The following UNC80 variants were observed in gnomAD, a reference collection of about 807,000 sequenced individuals.
The protein encoded by UNC80 is protein unc-80 homolog.
In UNC80, 164 loss-of-function variants were observed where a neutral mutation model predicts 384.6. That is an observed-to-expected ratio of 0.43 (90% CI 0.38 to 0.49). The LOEUF (loss-of-function observed/expected upper bound fraction) is 0.49. Ranked by LOEUF, UNC80 falls within the 20% of genes least tolerant of loss-of-function variation. UNC80 has a pLI of 0.00. For missense variants in UNC80, 3,330 were observed against 4,143.0 expected (o/e 0.80, Z 5.39); for synonymous variants, 1,486 against 1,527.8 (o/e 0.97, Z 0.64).
intron 22 of UNC80, among the ~76,000 whole-genome samples, chr2:209,859,171 T>C (rs2083169451): frequency 1.3e-5 from 2 of 152,078 alleles, no homozygotes; most frequent in Non-Finnish European, 2.9e-5. Flanking sequence ...ACTCATCCTC[T>C]AAGTTTCCTC....
chr2:209,910,649 C>CTTTTTT (rs540625562), intron 29 of UNC80, among the ~76,000 whole-genome samples: 5 of 104,352 alleles, frequency 4.8e-5, no homozygotes, highest in East Asian at 2.7e-4. Flanking sequence ...AAATGCTCAT[C>CTTTTTT]TTTTTTTTTT....
Position 209,945,429 on chromosome 2 carries a change from A to G in UNC80, c.7189+240A>G, listed in dbSNP as rs187832505. ...TGAAAACTATATTAAAATGATGCTC[A>G]GTAGACCACTGCTGTAGCACTGCAG... On this transcript the variant is annotated intron_variant, in intron 46 of 64. Coordinates refer to ENST00000673920, the MANE Select transcript of UNC80 (RefSeq NM_001371986.1). Among the ~76,000 whole-genome samples the G allele has an allele frequency of 7.1e-3, 1,075 of 152,300 alleles. 14 individuals carry two copies. The highest frequency in any genetic ancestry group is 0.024 in the African/African-American group (1,016 of 41,566).
chr2:209,803,488 A>T (rs2078688437), intron 7 of UNC80, among the ~76,000 whole-genome samples: 1 of 152,220 alleles, frequency 6.6e-6, no homozygotes, highest in Admixed American at 6.5e-5. Context: ...TTGGATATCT[A>T]TGTGTACAAA....
At chr2:209,924,482 C>G (rs1384413751) in intron 35 of UNC80, among the ~76,000 whole-genome samples, 1 of 152,094 alleles carries the variant, frequency 6.6e-6, no homozygotes. Flanking sequence ...GGCACATCTT[C>G]AGTGTTCCAG....
At chr2:209,866,519 CACACACACACACACAGAG>C (rs1559226867) in intron 22 of UNC80, among the ~76,000 whole-genome samples, 14 of 141,354 alleles carry the variant, frequency 9.9e-5, no homozygotes, top group African/African-American at 3.8e-4. Flanking sequence ...CACACACACA[CACACACACACACACAGAG>C]AGAGAGAGAG....
intron 14 of UNC80, among the ~76,000 whole-genome samples, chr2:209,827,345 A>G (rs552109387): frequency 3.3e-5 from 5 of 152,300 alleles, no homozygotes; most frequent in African/African-American, 1.2e-4. Flanking sequence ...ATAAACAAAC[A>G]TAATAAAAAG....
At chr2:209,853,266 C>T (rs2082659708) in intron 22 of UNC80, among the ~76,000 whole-genome samples, 1 of 151,976 alleles carries the variant, frequency 6.6e-6, no homozygotes, top group South Asian at 2.1e-4. Flanking sequence ...TGCATTTTGA[C>T]ATAATTTTAT....
intron 61 of UNC80, among the ~76,000 whole-genome samples, chr2:209,987,570 A>G (rs2093314782): frequency 6.6e-6 from 1 of 152,200 alleles, no homozygotes. Context: ...AGACATACAG[A>G]GGCTATTCAA....
intron 25 of UNC80, 109 bp downstream of exon 25, chr2:209,881,203 C>A: frequency 7.9e-7 from 1 of 1,261,714 alleles, no homozygotes; most frequent in African/African-American, 1.5e-5. Context: ...TAGTGTATCA[C>A]ATAATTTTAA....
At chr2:209,828,405 A>T (rs2080702065) in intron 14 of UNC80, among the ~76,000 whole-genome samples, 1 of 152,208 alleles carries the variant, frequency 6.6e-6, no homozygotes, top group African/African-American at 2.4e-5. Flanking sequence ...AAAATGAAAA[A>T]TGTATCAATC....
intron 22 of UNC80, among the ~76,000 whole-genome samples, chr2:209,871,940 A>G (rs1030119093): frequency 9.2e-5 from 14 of 151,712 alleles, no homozygotes; most frequent in African/African-American, 3.4e-4. Context: ...ATGCCTATTT[A>G]AGTATAATCC....
At chr2:209,793,673 C>CAAAAAAA (rs777075144) in intron 6 of UNC80, 47 bp from the exon 7 acceptor site, 2 of 1,600,682 alleles carry the variant, frequency 1.2e-6, no homozygotes, top group Non-Finnish European at 1.7e-6. Flanking sequence ...CAGGGGAAAA[C>CAAAAAAA]AAAAAACAAA....
At chr2:209,809,726 C>T (rs2079194702) in intron 7 of UNC80, 1 of 474,174 alleles carries the variant, frequency 2.1e-6, no homozygotes, top group Non-Finnish European at 3.7e-6. Flanking sequence ...ATGCATCAGC[C>T]GCACGGGACT....
chr2:209,858,868 T>C (rs1357563523), intron 22 of UNC80, among the ~76,000 whole-genome samples: 1 of 152,152 alleles, frequency 6.6e-6, no homozygotes, highest in African/African-American at 2.4e-5. Context: ...TTTTTCATTG[T>C]GTGTGCATGT....
At chr2:209,853,548 G>A (rs1330082134) in intron 22 of UNC80, among the ~76,000 whole-genome samples, 6 of 151,860 alleles carry the variant, frequency 4.0e-5, no homozygotes. Flanking sequence ...GGTTAATTTA[G>A]CAGATGCAAC....
In UNC80 at chr2:209,969,806, A is replaced by G. The variant is rs2092831649; in HGVS notation, c.8045A>G (p.Glu2682Gly). 3 of 1,551,516 alleles carry G rather than the reference A, an allele frequency of 1.9e-6. No individual in the cohort carries two copies. Among genetic ancestry groups the G allele is most frequent in the South Asian group, 2.4e-5 (2 of 84,052 alleles). ...VEWEPASNLIEGVCLTLQRQP... is the reference protein window; with the variant it reads ...VEWEPASNLIGGVCLTLQRQP... The stretch of plus-strand genomic sequence containing the variant: ...TGGGAGCCTGCCAGCAATTTGATTG[A>G]AGGGGTTTGTTTGACACTTCAGAGG... Residue 2682 changes from glutamate to glycine, a missense_variant, in exon 53 of 65, where the codon GAA (glutamate) becomes GGA (glycine). Coordinates refer to ENST00000673920, the MANE Select transcript of UNC80 (RefSeq NM_001371986.1).
At chr2:209,949,509 C>T (rs1177172653) in intron 47 of UNC80, among the ~76,000 whole-genome samples, 1 of 149,190 alleles carries the variant, frequency 6.7e-6, no homozygotes, top group South Asian at 2.4e-4. Flanking sequence ...CAGAGTCTTG[C>T]TCTTGTTGCC....
In UNC80 at chr2:209,967,464, G is replaced by A. The variant is rs1274263915; in HGVS notation, c.7833G>A (p.Leu2611=). The change falls in exon 52 of 65, where the codon CTG becomes CTA. Residue 2611 remains leucine (L), a synonymous_variant. Transcript: ENST00000673920. ...MRLAEIAHSL[L]KLAPYDTQTM... ...TGGCAGAAATTGCACACTCCCTTCT[G>A]AAGCTGGCACCATATGACACTCAGA... 1.0e-5 allele frequency: 16 copies of A among 1,551,264 alleles called. No individual in the cohort carries two copies. The South Asian group carries it at 1.5e-4, about 15-fold the overall frequency.
intron 25 of UNC80, among the ~76,000 whole-genome samples, chr2:209,882,497 A>C (rs2085389389): frequency 6.6e-6 from 1 of 152,222 alleles, no homozygotes; most frequent in South Asian, 2.1e-4. Flanking sequence ...CTCTCAAGAG[A>C]AACACCCACA....
Sources: gnomAD v4.1 joint callset for allele counts (sites outside exome capture counted in the v4.1 genomes callset) on GRCh38, gnomAD v4.1.1 for gene constraint, MANE v1.5 for transcripts, NCBI Gene and HGNC (gene_info 2026-07-23, HGNC 2026-07-21) for gene names.